TSFM: variants seen among roughly 807,000 people sequenced by gnomAD.
The protein encoded by TSFM is Ts translation elongation factor, mitochondrial, also known as elongation factor Ts, mitochondrial.
TSFM carries 29 observed loss-of-function variants against 33.4 expected under a neutral mutation model. That is an observed-to-expected ratio of 0.87 (90% confidence interval 0.65 to 1.18). The LOEUF (loss-of-function observed/expected upper bound fraction) is 1.18. TSFM is among the 50% of genes most tolerant of loss of function. The pLI is 0.00. For missense variants in TSFM, 394 were observed against 395.6 expected (o/e 1.00, Z 0.04); for synonymous variants, 178 against 163.5 (o/e 1.09, Z -0.68).
rs751714956 is a variant in TSFM, at chr12:57,783,110, G to A, written c.58G>A (p.Ala20Thr). Residue 20 changes from alanine to threonine, a missense_variant and splice_region_variant, in exon 2 of 6, where the codon GCT (alanine) becomes ACT (threonine). Ala to Thr is a moderately conservative substitution (Grantham distance 58). Transcript: ENST00000652027. The part of the protein sequence containing the change: ...FLVARTGSYP[A>T]GSLLRQSPQP... The stretch of plus-strand genomic sequence containing the variant: ...CTCATCCCTTTCTTATCTCATCTAG[G>A]CTGGGTCTCTTCTGCGTCAGTCGCC... 3.0e-5 allele frequency: 49 copies of A among 1,608,316 alleles called. No individual in the cohort carries two copies. The highest frequency in any genetic ancestry group is 3.9e-5 in the Non-Finnish European group (46 of 1,179,158).
downstream of TSFM, chr12:57,797,744 A>G (rs1017280159): frequency 1.4e-5 from 10 of 734,552 alleles, no homozygotes; most frequent in Non-Finnish European, 1.7e-5. Context: ...AATGGAGAAC[A>G]TGCCGTGATT....
chr12:57,787,611 T>C (rs1294950617), intron 4 of TSFM, among the ~76,000 whole-genome samples: 1 of 152,160 alleles, frequency 6.6e-6, no homozygotes, highest in South Asian at 2.1e-4. Flanking sequence ...AAATTTGGAA[T>C]GGTCTTAGGA....
Position 57,796,422 on chromosome 12 carries a change from G to A in TSFM, c.817G>A (p.Asp273Asn), listed in dbSNP as rs1487383354. The change falls in exon 6 of 6, where the codon GAT becomes AAT. Residue 273 changes from aspartate (D) to asparagine (N), a missense_variant. Asp to Asn is a conservative substitution (Grantham distance 23). Transcript: ENST00000652027. ...CCCCCTCTCTGTTGGCTCCCTGGAC[G>A]ATGAGCCTGGGGGAGAGGCAGAGAC... ...MAPLSVGSLDDEPGGEAETKM... is the reference protein window; with the variant it reads ...MAPLSVGSLDNEPGGEAETKM... 1.1e-5 allele frequency: 18 copies of A among 1,602,400 alleles called. No individual in the cohort carries two copies. The highest frequency in any genetic ancestry group is 2.2e-5 in the South Asian group (2 of 89,338).
chr12:57,786,111 A>C, intron 2 of TSFM, 52 bp from the exon 3 acceptor site: 1 of 1,532,474 alleles, frequency 6.5e-7, no homozygotes, highest in Non-Finnish European at 8.8e-7. Flanking sequence ...AACTACATTT[A>C]GTGCTAAATT....
intron 5 of TSFM, 133 bp from the exon 6 acceptor site, chr12:57,796,044 T>C (rs971901838): frequency 2.2e-5 from 17 of 777,184 alleles, no homozygotes; most frequent in Non-Finnish European, 3.2e-5. Flanking sequence ...ATGGTATCTC[T>C]TCATCTTACT....
At chr12:57,802,659 C>CT (rs1955874300), downstream of TSFM, 2 of 657,184 alleles carry the variant, frequency 3.0e-6, no homozygotes, top group East Asian at 5.4e-5. Context: ...AAAATAACAC[C>CT]TTCAGGATGT....
At chr12:57,798,020 G>T (rs1157974905), downstream of TSFM, 3 of 1,536,452 alleles carry the variant, frequency 2.0e-6, no homozygotes, top group Admixed American at 5.7e-5. Context: ...AAAGTTTCTA[G>T]TTAGAAGGAA....
chr12:57,801,107 A>T (rs751205806), downstream of TSFM: 26 of 1,587,112 alleles, frequency 1.6e-5, no homozygotes, highest in East Asian at 4.5e-5. Flanking sequence ...CTGGTTGCCC[A>T]TGTGGCTGGC....
At chr12:57,791,894 C>G (rs909504183) in intron 4 of TSFM, 12 of 330,950 alleles carry the variant, frequency 3.6e-5, no homozygotes, top group Non-Finnish European at 6.2e-5. Context: ...TACCATTTTG[C>G]ATTCCCATCA....
At chr12:57,802,311 T>TC, downstream of TSFM, 3 of 1,613,834 alleles carry the variant, frequency 1.9e-6, no homozygotes, top group Non-Finnish European at 2.5e-6. Context: ...ACTCTCCTTC[T>TC]CCGTGGCATT....
At chr12:57,783,575 C>G in intron 2 of TSFM, 1 of 636,516 alleles carries the variant, frequency 1.6e-6, no homozygotes, top group Non-Finnish European at 3.0e-6. Flanking sequence ...TTGTGGGGCC[C>G]CCACACTGTC....
intron 4 of TSFM, among the ~76,000 whole-genome samples, chr12:57,789,484 C>T (rs773011925): frequency 6.6e-6 from 1 of 152,170 alleles, no homozygotes; most frequent in Non-Finnish European, 1.5e-5. Context: ...ATGCTTCAGC[C>T]TCCTGAGTAG....
chr12:57,786,389 GT>G, intron 3 of TSFM, 98 bp downstream of exon 3: 1 of 1,380,086 alleles, frequency 7.2e-7, no homozygotes, highest in Non-Finnish European at 9.6e-7. Context: ...GAAGAGATCT[GT>G]TTAAGAACCA....
At position 57,787,719 on chromosome 12, in the gene TSFM, G is replaced by A. The variant is rs541196545; in HGVS notation, c.483+557G>A. On this transcript the variant is annotated intron_variant, in intron 4 of 5. Transcript: ENST00000652027. ...CGAGGCAGGCAGATCACCTGAAGTC[G>A]AGAGTTCAAGACCAGCCTGACCAAC... is the stretch of plus-strand genomic sequence containing the variant. Among the ~76,000 whole-genome samples, 186 of 152,082 alleles carry A rather than the reference G, an allele frequency of 1.2e-3. 1 individual carries two copies. Among genetic ancestry groups the A allele is most frequent in the Non-Finnish European group, 2.2e-3 (152 of 68,006 alleles).
chr12:57,790,820 G>T (rs1361319947), intron 4 of TSFM, among the ~76,000 whole-genome samples: 111 of 150,274 alleles, frequency 7.4e-4, no homozygotes, highest in African/African-American at 2.7e-3. Context: ...GCTGGGCACA[G>T]TGGCTCATGC....
chr12:57,784,996 G>A (rs535817873), intron 2 of TSFM, among the ~76,000 whole-genome samples: 24 of 120,090 alleles, frequency 2.0e-4, no homozygotes, highest in South Asian at 8.2e-4. Flanking sequence ...GCACAATCTT[G>A]GCTCACTGCA....
intron 5 of TSFM, among the ~76,000 whole-genome samples, chr12:57,795,077 ATATATATATATG>A: frequency 7.3e-6 from 1 of 136,374 alleles, no homozygotes; most frequent in East Asian, 2.2e-4. Flanking sequence ...TGCTCCATAT[ATATATATATATG>A]TATATATATA....
chr12:57,799,896 G>T (rs1955812102), downstream of TSFM: 1 of 1,614,150 alleles, frequency 6.2e-7, no homozygotes, highest in Non-Finnish European at 8.5e-7. Flanking sequence ...TTAGAATTCA[G>T]GGAGAGGGTT....
intron 2 of TSFM, 95 bp from the exon 3 acceptor site, chr12:57,786,068 T>G: frequency 2.2e-6 from 3 of 1,378,204 alleles, no homozygotes; most frequent in Middle Eastern, 1.9e-4. Context: ...TGTTAGAGAA[T>G]TTAGAGAATC....
Sources: allele counts gnomAD v4.1 joint callset (sites outside exome capture counted in the v4.1 genomes callset), GRCh38; gene constraint gnomAD v4.1.1; transcripts MANE v1.5; gene names NCBI Gene and HGNC (gene_info 2026-07-23, HGNC 2026-07-21).